Variants in ALDH1A1 observed in about 807,000 individuals in gnomAD.
ALDH1A1 encodes the protein aldehyde dehydrogenase 1A1.
ALDH1A1 carries 19 observed loss-of-function variants against 62.1 expected under a neutral mutation model. The observed-to-expected ratio is 0.31, with a 90% CI of 0.21 to 0.45. ALDH1A1 has a LOEUF of 0.45. Ranked by LOEUF, ALDH1A1 falls within the 20% of genes least tolerant of loss-of-function variation. The pLI, the probability that ALDH1A1 is intolerant of heterozygous loss-of-function variation, is 1.00. For missense variants in ALDH1A1, 521 were observed against 607.1 expected, an observed-to-expected ratio of 0.86 and a Z score of 1.49; for synonymous variants, 231 against 215.9, an observed-to-expected ratio of 1.07 and a Z score of -0.61.
rs189186724 is a variant in ALDH1A1, at chr9:72,904,953, A to G, written c.1433+1005T>C. 4.9e-4 allele frequency among the ~76,000 whole-genome samples: 74 copies of G among 152,286 alleles called. 1 individual carries two copies. The highest frequency in any genetic ancestry group is 1.8e-3 in the African/African-American group (74 of 41,576). On this transcript the variant is annotated intron_variant, in intron 12 of 12. Transcript: ENST00000297785. ...CTTACACATAGCAAGTGCTTAATAAATGAAAGCATATTGAGAAAGTAGACT... is the reference window on the plus strand; with the variant it reads ...CTTACACATAGCAAGTGCTTAATAAGTGAAAGCATATTGAGAAAGTAGACT...
At chr9:72,913,005 G>C (rs1469745685) in intron 9 of ALDH1A1, among the ~76,000 whole-genome samples, 1 of 152,142 alleles carries the variant, frequency 6.6e-6, no homozygotes, top group African/African-American at 2.4e-5. Flanking sequence ...TGTAGCAGGG[G>C]TTAAGGATTA....
rs1025687679 is a variant in ALDH1A1, at chr9:72,921,240, CAAAAA to C, written c.748-2423_748-2419del. 2.4e-4 allele frequency among the ~76,000 whole-genome samples: 19 copies of C among 79,076 alleles called. 1 individual carries two copies. Among genetic ancestry groups the C allele is most frequent in the African/African-American group, 7.0e-4 (17 of 24,162 alleles). 51.9% of individuals were successfully genotyped at this position (79,076 alleles called of 152,430 possible). On this transcript the variant is annotated intron_variant, in intron 7 of 12. Transcript: ENST00000297785. ...CTGGGTGACAGTGCACGACTCCTCT[CAAAAA>C]AAAAAAAAAAAAAAAATTCTTACCT...
At chr9:72,939,263 G>T (rs1177403241) in intron 2 of ALDH1A1, among the ~76,000 whole-genome samples, 1 of 152,098 alleles carries the variant, frequency 6.6e-6, no homozygotes, top group Non-Finnish European at 1.5e-5. Flanking sequence ...AGTTTTAAAT[G>T]AAGATAGCAT....
At chr9:72,923,480 C>T (rs959460665) in intron 7 of ALDH1A1, among the ~76,000 whole-genome samples, 1 of 152,100 alleles carries the variant, frequency 6.6e-6, no homozygotes, top group Non-Finnish European at 1.5e-5. Flanking sequence ...TCCTGCCCGC[C>T]ACTTCTCCTT....
chr9:72,910,817 C>T (rs1284938994), intron 10 of ALDH1A1, among the ~76,000 whole-genome samples: 8 of 152,220 alleles, frequency 5.3e-5, no homozygotes, highest in African/African-American at 1.4e-4. Flanking sequence ...TGAATCTTAA[C>T]GTTATAAATC....
chr9:72,906,682 A>C (rs1829882137), intron 11 of ALDH1A1, among the ~76,000 whole-genome samples: 2 of 152,218 alleles, frequency 1.3e-5, no homozygotes, highest in African/African-American at 4.8e-5. Flanking sequence ...TAGATGGGGA[A>C]AATTAGAATG....
intron 1 of ALDH1A1, among the ~76,000 whole-genome samples, chr9:72,951,419 C>A (rs1830543091): frequency 6.6e-6 from 1 of 151,590 alleles, no homozygotes; most frequent in Non-Finnish European, 1.5e-5. Flanking sequence ...AATACACACA[C>A]AAGGAAGACT....
chr9:72,936,039 C>G (rs2118557559), intron 2 of ALDH1A1, among the ~76,000 whole-genome samples: 1 of 152,158 alleles, frequency 6.6e-6, no homozygotes, highest in East Asian at 1.9e-4. Flanking sequence ...CAGTTTATAC[C>G]ATCAACATTT....
At chr9:72,931,309 G>A (rs1051120283) in intron 2 of ALDH1A1, among the ~76,000 whole-genome samples, 5 of 152,194 alleles carry the variant, frequency 3.3e-5, no homozygotes, top group Admixed American at 1.3e-4. Context: ...CCTGTTTCAA[G>A]TAATGTTCTG....
chr9:72,927,213 A>G, intron 4 of ALDH1A1, 36 bp from the exon 5 acceptor site: 2 of 1,463,616 alleles, frequency 1.4e-6, no homozygotes, highest in East Asian at 2.3e-5. Flanking sequence ...TATATAAACA[A>G]ATGTATTTGA....
Position 72,927,102 on chromosome 9 carries a change from G to C in ALDH1A1, c.504+14C>G. On this transcript the variant is annotated intron_variant, in intron 5 of 12. Coordinates refer to ENST00000297785, the MANE Select transcript of ALDH1A1 (RefSeq NM_000689.5). ...TCTTTTTAAAATTGAGAATTATATA[G>C]GAGAAAAGCTTACAGGAATGATTTG... is the stretch of plus-strand genomic sequence containing the variant. 6.3e-7 allele frequency: 1 copy of C among 1,582,594 alleles called. No homozygotes were observed. Among genetic ancestry groups the C allele is most frequent in the Non-Finnish European group, 8.6e-7 (1 of 1,159,880 alleles).
rs1803054 is a variant in ALDH1A1, at chr9:72,909,623, G to A, written c.1337C>T (p.Ala446Val). 2 of 1,613,862 alleles carry A rather than the reference G, an allele frequency of 1.2e-6. No homozygotes were observed. The highest frequency in any genetic ancestry group is 1.7e-5 in the Admixed American group (1 of 59,998). ...DIDKAITISS[A>V]LQAGTVWVNC... Reference sequence around the variant, plus strand: ...TTACCACACTGTTCCTGCCTGCAGAGCAGAGGAGATTGTTATGGCTTTATC... The same window carrying A: ...TTACCACACTGTTCCTGCCTGCAGAACAGAGGAGATTGTTATGGCTTTATC... Residue 446 changes from alanine (A) to valine (V), a missense_variant, in exon 11 of 13, where the codon GCT (alanine) becomes GTT (valine). By Grantham distance (64) the Ala-to-Val change is moderately conservative. Coordinates refer to ENST00000297785, the MANE Select transcript of ALDH1A1 (RefSeq NM_000689.5).
chr9:72,915,500 G>A (rs963124987), intron 9 of ALDH1A1, among the ~76,000 whole-genome samples: 20 of 151,926 alleles, frequency 1.3e-4, no homozygotes, highest in African/African-American at 4.8e-4. Context: ...GGGAGACCAA[G>A]TCAAAACTGA....
chr9:72,934,795 G>A (rs552355456), intron 2 of ALDH1A1, among the ~76,000 whole-genome samples: 1 of 152,240 alleles, frequency 6.6e-6, no homozygotes, highest in Admixed American at 6.5e-5. Context: ...ATGAGCCTTG[G>A]TTTATAAATG....
chr9:72,907,696 A>G (rs1453891307), intron 11 of ALDH1A1, among the ~76,000 whole-genome samples: 1 of 152,174 alleles, frequency 6.6e-6, no homozygotes, highest in Non-Finnish European at 1.5e-5. Context: ...TCATGTGTAA[A>G]GTGGGGATGA....
At chr9:72,914,046 CT>C (rs1174573379) in intron 9 of ALDH1A1, among the ~76,000 whole-genome samples, 1 of 152,158 alleles carries the variant, frequency 6.6e-6, no homozygotes, top group African/African-American at 2.4e-5. Context: ...TAGGATGTAG[CT>C]GGGGCTCTTT....
chr9:72,945,335 G>T (rs1383598954), intron 1 of ALDH1A1, among the ~76,000 whole-genome samples: 1 of 151,658 alleles, frequency 6.6e-6, no homozygotes, highest in Non-Finnish European at 1.5e-5. Context: ...ATCTCGGCAG[G>T]GCAGCAACTG....
chr9:72,946,012 A>G (rs1029341154), intron 1 of ALDH1A1, among the ~76,000 whole-genome samples: 2 of 151,964 alleles, frequency 1.3e-5, no homozygotes, highest in African/African-American at 2.4e-5. Flanking sequence ...AGCCTTTTCA[A>G]TTGTGTCAGG....
intron 1 of ALDH1A1, among the ~76,000 whole-genome samples, chr9:72,951,939 A>G (rs1030094155): frequency 4.6e-5 from 7 of 151,982 alleles, no homozygotes; most frequent in African/African-American, 1.7e-4. Flanking sequence ...TGAAAATGCA[A>G]CAGACCTTGG....
Sources: gnomAD v4.1 joint callset for allele counts (sites outside exome capture counted in the v4.1 genomes callset) on GRCh38, gnomAD v4.1.1 for gene constraint, MANE v1.5 for transcripts, NCBI Gene and HGNC (gene_info 2026-07-23, HGNC 2026-07-21) for gene names.